NFYA: variants seen among roughly 807,000 people sequenced by gnomAD.
NFYA encodes the protein CAAT-box DNA binding protein subunit A.
NFYA carries 28 observed loss-of-function variants against 52.8 expected under a neutral mutation model. That is an observed-to-expected ratio of 0.53 (90% CI 0.39 to 0.73). The LOEUF (loss-of-function observed/expected upper bound fraction) is 0.73, where lower values mean the gene tolerates loss of function less well. Ranked by LOEUF, NFYA falls within the 30% of genes least tolerant of loss-of-function variation. The probability of loss-of-function intolerance (pLI) is 0.00; values close to 1 mark genes in which losing one functional copy is unlikely to be tolerated. For missense variants in NFYA, 234 were observed against 427.0 expected, an observed-to-expected ratio of 0.55 and a Z score of 3.98; for synonymous variants, 150 against 150.7, an observed-to-expected ratio of 1.00 and a Z score of 0.03.
chr6:41,082,489 A>G (rs549750596), intron 3 of NFYA, among the ~76,000 whole-genome samples: 1 of 152,348 alleles, frequency 6.6e-6, no homozygotes, highest in South Asian at 2.1e-4. Flanking sequence ...GGAGTCTCAA[A>G]TCATTTATCA....
At chr6:41,089,855 C>T (rs1381270033) in intron 5 of NFYA, 145 bp downstream of exon 5, 4 of 1,150,698 alleles carry the variant, frequency 3.5e-6, no homozygotes, top group Admixed American at 5.8e-5. Flanking sequence ...CGCGGTGGCT[C>T]ATGCCTGTAA....
At position 41,084,980 on chromosome 6, in the gene NFYA, A is replaced by G. The variant is rs201308934; in HGVS notation, c.309+788A>G. Among the ~76,000 whole-genome samples the G allele has an allele frequency of 9.8e-5, 15 of 152,338 alleles. No individual in the cohort carries two copies. In the East Asian group the frequency reaches 2.9e-3, roughly 29 times the overall value. On this transcript the variant is annotated intron_variant, in intron 4 of 9. Transcript: ENST00000341376. The stretch of plus-strand genomic sequence containing the variant: ...TGTCTCAAAAAAAAAGAAGAGATTA[A>G]CAGAAATATGTAGAAATGTTACATA...
rs1303818350 is a variant in NFYA, at chr6:41,097,978, C to T, written c.*568C>T. 1 of 152,828 alleles carries T rather than the reference C, an allele frequency of 6.5e-6. No individual in the cohort carries two copies. The highest frequency in any genetic ancestry group is 2.4e-5 in the African/African-American group (1 of 41,454). The allele number at this position is 152,828 out of a possible 1,614,324, so 9.5% of individuals were successfully genotyped here. A position where few individuals can be genotyped will look rare whatever the true frequency, so the allele number is the denominator to read the frequency against. On this transcript the variant is annotated 3_prime_UTR_variant, in exon 10 of 10. Coordinates refer to ENST00000341376, the MANE Select transcript of NFYA (RefSeq NM_002505.5). Reference sequence around the variant, plus strand: ...ATCTGTGGTAATAATAAGAATTCCTCTCTGCCCAGATGGTAGGTTGATATT... The same window carrying T: ...ATCTGTGGTAATAATAAGAATTCCTTTCTGCCCAGATGGTAGGTTGATATT...
At chr6:41,090,351 C>A in intron 6 of NFYA, 42 bp downstream of exon 6, 1 of 1,321,610 alleles carries the variant, frequency 7.6e-7, no homozygotes, top group Non-Finnish European at 1.1e-6. Context: ...TTTGGGGCAA[C>A]TTTTTTGTCC....
At chr6:41,076,598 AGAG>A in intron 1 of NFYA, among the ~76,000 whole-genome samples, 1 of 152,214 alleles carries the variant, frequency 6.6e-6, no homozygotes. Flanking sequence ...AGTGGGGCAA[AGAG>A]AATTGCACTG....
At chr6:41,097,070 T>C (rs987110065) in intron 9 of NFYA, among the ~76,000 whole-genome samples, 11 of 152,212 alleles carry the variant, frequency 7.2e-5, no homozygotes, top group African/African-American at 2.7e-4. Flanking sequence ...CCCTTAAGTA[T>C]AGAGAACAAC....
chr6:41,093,017 C>T lies in NFYA; in HGVS notation c.820C>T (p.Arg274Cys), dbSNP rs1282862847. The T allele has an allele frequency of 5.6e-6, 9 of 1,613,910 alleles. No homozygotes were observed. Among genetic ancestry groups the T allele is most frequent in the African/African-American group, 1.3e-5 (1 of 74,876 alleles). Residue 274 changes from arginine to cysteine, a missense_variant, in exon 8 of 10, where the codon CGT becomes TGT. By Grantham distance (180) the Arg-to-Cys change is radical (BLOSUM62 -3). Transcript: ENST00000341376. The part of the protein sequence containing the change: ...PLYVNAKQYH[R>C]ILKRRQARAK... ...CTACGTGAATGCCAAACAATACCAC[C>T]GTATTCTTAAGAGGAGGCAAGCCCG...
intron 2 of NFYA, among the ~76,000 whole-genome samples, chr6:41,079,442 C>G (rs1763848410): frequency 6.6e-6 from 1 of 152,280 alleles, no homozygotes; most frequent in East Asian, 1.9e-4. Context: ...TAAAATTTTT[C>G]TGGATTCTAT....
intron 1 of NFYA, among the ~76,000 whole-genome samples, chr6:41,074,472 C>G (rs1176115294): frequency 6.6e-6 from 1 of 152,196 alleles, no homozygotes; most frequent in East Asian, 1.9e-4. Flanking sequence ...AGTATCCATG[C>G]GTGAGCTAGC....
chr6:41,074,081 C>T (rs576364828), intron 1 of NFYA, among the ~76,000 whole-genome samples: 4 of 152,338 alleles, frequency 2.6e-5, no homozygotes, highest in East Asian at 3.9e-4. Context: ...ATCTCCCTCC[C>T]TTGGGAATAT....
In NFYA at chr6:41,097,372, G is replaced by A. The variant is rs776946817; in HGVS notation, c.1006G>A (p.Asp336Asn). 10 of 1,613,920 alleles carry A rather than the reference G, an allele frequency of 6.2e-6. No homozygotes were observed. Among genetic ancestry groups the A allele is most frequent in the South Asian group, 1.1e-5 (1 of 91,064 alleles). The change falls in exon 10 of 10, where the codon GAT becomes AAT. Residue 336 changes from aspartate to asparagine, a missense_variant. Transcript: ENST00000341376. ...SPHMQDPNQA[D>N]EEAMTQIIRV... ...TTGTCTCTAGGATCCAAACCAAGCC[G>A]ATGAAGAAGCAATGACACAGATCAT... is the stretch of plus-strand genomic sequence containing the variant.
At chr6:41,084,800 T>TA (rs1490240288) in intron 4 of NFYA, among the ~76,000 whole-genome samples, 1 of 152,222 alleles carries the variant, frequency 6.6e-6, no homozygotes, top group East Asian at 1.9e-4. Context: ...CCATCTCTAC[T>TA]AAAAATAAAA....
At chr6:41,090,820 A>C (rs1364375141) in intron 6 of NFYA, among the ~76,000 whole-genome samples, 1 of 152,236 alleles carries the variant, frequency 6.6e-6, no homozygotes, top group African/African-American at 2.4e-5. Flanking sequence ...TAACATAAAT[A>C]ATAGATGTTT....
intron 4 of NFYA, among the ~76,000 whole-genome samples, chr6:41,085,714 T>G (rs1178821686): frequency 2.6e-5 from 4 of 152,048 alleles, no homozygotes; most frequent in Non-Finnish European, 4.4e-5. Flanking sequence ...GCATAATTTT[T>G]GGGCATAATT....
intron 8 of NFYA, among the ~76,000 whole-genome samples, chr6:41,093,309 CA>C (rs1025001787): frequency 2.0e-5 from 3 of 152,128 alleles, no homozygotes; most frequent in African/African-American, 7.2e-5. Context: ...CCTTTTCATA[CA>C]TAAAAGTAGT....
intron 1 of NFYA, among the ~76,000 whole-genome samples, chr6:41,078,190 CTTCT>C (rs988744940): frequency 1.6e-4 from 25 of 152,282 alleles, no homozygotes; most frequent in African/African-American, 5.1e-4. Context: ...TATCAATACA[CTTCT>C]TTCTAAGTAC....
At chr6:41,094,524 T>A in intron 9 of NFYA, 27 bp downstream of exon 9, 1 of 1,568,426 alleles carries the variant, frequency 6.4e-7, no homozygotes, top group Non-Finnish European at 8.8e-7. Flanking sequence ...ATTTTATTCT[T>A]CTCTTTATTA....
chr6:41,091,557 A>T lies in NFYA; in HGVS notation c.577A>T (p.Ile193Phe). The change falls in exon 7 of 10, where the codon ATC becomes TTC. Residue 193 changes from isoleucine to phenylalanine, a missense_variant. Ile to Phe is a conservative substitution (Grantham distance 21). Transcript: ENST00000341376. ...VTVPVSGMIT[I>F]PAASLAGAQI... ...AGTCCCTGTTTCAGGCATGATCACTATCCCAGCAGCCAGTTTGGCAGGAGC... is the reference window on the plus strand; with the variant it reads ...AGTCCCTGTTTCAGGCATGATCACTTTCCCAGCAGCCAGTTTGGCAGGAGC... The T allele has an allele frequency of 1.9e-6, 3 of 1,614,122 alleles. No individual in the cohort carries two copies. Among genetic ancestry groups the T allele is most frequent in the Non-Finnish European group, 2.5e-6 (3 of 1,180,020 alleles).
chr6:41,084,019 C>T, intron 3 of NFYA, 27 bp from the exon 4 acceptor site: 2 of 1,569,950 alleles, frequency 1.3e-6, no homozygotes, highest in South Asian at 2.4e-5. Context: ...TATGTTATTT[C>T]ATTGTTCTTA....
Sources: allele counts gnomAD v4.1 joint callset (sites outside exome capture counted in the v4.1 genomes callset), GRCh38; gene constraint gnomAD v4.1.1; transcripts MANE v1.5; gene names NCBI Gene and HGNC (gene_info 2026-07-23, HGNC 2026-07-21).